E2F5: variants seen among roughly 807,000 people sequenced by gnomAD.
E2F5 encodes the protein E2F transcription factor 5, also known as transcription factor E2F5.
E2F5 carries 23 observed loss-of-function variants against 39.1 expected under a neutral mutation model. The observed-to-expected ratio is 0.59, with a 90% CI of 0.42 to 0.83. The LOEUF (loss-of-function observed/expected upper bound fraction) is 0.83. Ranked by LOEUF, E2F5 falls within the 40% of genes least tolerant of loss-of-function variation. The probability of loss-of-function intolerance (pLI) is 0.00; values close to 1 mark genes in which losing one functional copy is unlikely to be tolerated. For synonymous variants in E2F5, 145 were observed against 157.8 expected (o/e 0.92, Z 0.61); for missense variants, 365 against 406.7 (o/e 0.90, Z 0.88).
intron 3 of E2F5, among the ~76,000 whole-genome samples, chr8:85,203,869 A>G (rs1225002016): frequency 6.7e-6 from 1 of 148,356 alleles, no homozygotes; most frequent in Admixed American, 6.8e-5. Flanking sequence ...ATATAAAAAC[A>G]TTATTATATA....
rs867429190 is a variant in E2F5 at position 85,202,647 on chromosome 8, C to T, written c.344+391C>T. ...TGTCATTAATTGTGGCCTGGTTATA[C>T]GTTTGAATGTAACAATTTCTGTTCT... On this transcript the variant is annotated intron_variant, in intron 2 of 7. Transcript: ENST00000416274. Among the ~76,000 whole-genome samples, 7 of 152,140 alleles carry T rather than the reference C, an allele frequency of 4.6e-5. No homozygotes were observed. In the South Asian group the frequency reaches 6.2e-4, roughly 14 times the overall value.
intron 4 of E2F5, 145 bp from the exon 5 acceptor site, chr8:85,207,280 C>T: frequency 1.6e-6 from 1 of 606,312 alleles, no homozygotes. Flanking sequence ...TGTGTATCCC[C>T]CATTTTATAG....
Position 85,180,668 on chromosome 8 carries a change from C to T in E2F5, c.234+3014C>T, listed in dbSNP as rs1812192735. Among the ~76,000 whole-genome samples the T allele has an allele frequency of 3.4e-5, 5 of 145,976 alleles. No individual in the cohort carries two copies. The South Asian group carries it at 1.1e-3, about 33-fold the overall frequency. On this transcript the variant is annotated intron_variant, in intron 1 of 7. Transcript: ENST00000416274. ...TCTCGGCTCACTGCAAGCTCCGCCTCCCGGGTTCATGCCATTCTCCTGCCT... is the reference window on the plus strand; with the variant it reads ...TCTCGGCTCACTGCAAGCTCCGCCTTCCGGGTTCATGCCATTCTCCTGCCT...
At chr8:85,192,993 T>C (rs1289220938) in intron 1 of E2F5, among the ~76,000 whole-genome samples, 1 of 152,246 alleles carries the variant, frequency 6.6e-6, no homozygotes, top group Non-Finnish European at 1.5e-5. Flanking sequence ...ACTTAAACAG[T>C]ATCTGGCACA....
chr8:85,195,195 C>G (rs544622931), intron 1 of E2F5, among the ~76,000 whole-genome samples: 1 of 151,890 alleles, frequency 6.6e-6, no homozygotes, highest in South Asian at 2.1e-4. Flanking sequence ...CCAGCTTGCC[C>G]AACATAGTGA....
intron 1 of E2F5, among the ~76,000 whole-genome samples, chr8:85,197,163 G>A (rs935659277): frequency 2.6e-5 from 4 of 152,182 alleles, no homozygotes; most frequent in African/African-American, 4.8e-5. Context: ...ACTATTGAGT[G>A]CATATGTATT....
chr8:85,188,803 A>G (rs1812399648), intron 1 of E2F5, among the ~76,000 whole-genome samples: 1 of 152,190 alleles, frequency 6.6e-6, no homozygotes, highest in African/African-American at 2.4e-5. Context: ...CAATCCTAGC[A>G]TTGGAGCTAA....
chr8:85,190,482 AT>A (rs1812436082), intron 1 of E2F5, among the ~76,000 whole-genome samples: 1 of 133,958 alleles, frequency 7.5e-6, no homozygotes, highest in Non-Finnish European at 1.6e-5. Context: ...TGATTTTAAG[AT>A]GGGGAGATTT....
intron 1 of E2F5, among the ~76,000 whole-genome samples, chr8:85,182,396 A>G (rs1416907164): frequency 2.0e-5 from 3 of 152,250 alleles, no homozygotes; most frequent in African/African-American, 7.2e-5. Flanking sequence ...GTTGTACAGT[A>G]GAAAGTGAGA....
intron 4 of E2F5, 50 bp from the exon 5 acceptor site, chr8:85,207,375 T>A (rs373161622): frequency 1.4e-6 from 2 of 1,477,752 alleles, no homozygotes; most frequent in African/African-American, 2.8e-5. Flanking sequence ...GCCACTGTAT[T>A]CCATGATCAA....
chr8:85,194,906 CCAGA>C (rs1413091024), intron 1 of E2F5, among the ~76,000 whole-genome samples: 2 of 151,674 alleles, frequency 1.3e-5, no homozygotes, highest in Non-Finnish European at 2.9e-5. Context: ...CCCGGCTATG[CCAGA>C]CACTCTTCTA....
chr8:85,185,312 G>C (rs1465917768), intron 1 of E2F5, among the ~76,000 whole-genome samples: 1 of 152,128 alleles, frequency 6.6e-6, no homozygotes, highest in East Asian at 1.9e-4. Flanking sequence ...CTAGCCATAT[G>C]CAGAAAACTG....
intron 1 of E2F5, among the ~76,000 whole-genome samples, chr8:85,195,008 C>T (rs1360782272): frequency 1.3e-5 from 2 of 152,006 alleles, no homozygotes; most frequent in East Asian, 3.9e-4. Context: ...AAGTAGCTTG[C>T]CCAGGGCCAC....
rs539000684 is a variant in E2F5 at position 85,197,966 on chromosome 8, G to A, written c.235-4181G>A. Among the ~76,000 whole-genome samples, 28 of 152,264 alleles carry A rather than the reference G, an allele frequency of 1.8e-4. 1 individual carries two copies. The Middle Eastern group carries it at 0.017, about 93-fold the overall frequency. On this transcript the variant is annotated intron_variant, in intron 1 of 7. Coordinates refer to ENST00000416274, the MANE Select transcript of E2F5 (RefSeq NM_001951.4). ...CAGCGTTCCTTCCATGCTACCTATT[G>A]TCTTGCTTTTTTATATGAATATTTT...
chr8:85,207,359 A>G (rs1425142547), intron 4 of E2F5, 66 bp from the exon 5 acceptor site: 22 of 1,396,208 alleles, frequency 1.6e-5, no homozygotes, highest in Admixed American at 1.1e-4. Flanking sequence ...CAGAGCCCAC[A>G]TTCTTGCCAC....
chr8:85,199,812 C>T (rs1450852430), intron 1 of E2F5, among the ~76,000 whole-genome samples: 1 of 152,208 alleles, frequency 6.6e-6, no homozygotes, highest in Non-Finnish European at 1.5e-5. Flanking sequence ...TTAATTCCCA[C>T]AATACTCCTT....
rs770475906 is a variant in E2F5 at position 85,209,225 on chromosome 8, G to A, written c.699G>A (p.Ser233=). ...PIHVLLINKE[S]SSSKPVVFPV... ...ATGTGCTGCTTATAAATAAAGAGTC[G>A]AGTTCATCTAAGCCCGTGGTTTTTC... Residue 233 remains serine, a synonymous_variant, in exon 6 of 8, where the codon TCG becomes TCA. Coordinates refer to ENST00000416274, the MANE Select transcript of E2F5 (RefSeq NM_001951.4). 8.7e-6 allele frequency: 14 copies of A among 1,613,922 alleles called. No individual in the cohort carries two copies. The highest frequency in any genetic ancestry group is 2.2e-5 in the East Asian group (1 of 44,872).
chr8:85,182,290 T>C (rs746236401), intron 1 of E2F5, among the ~76,000 whole-genome samples: 47 of 152,252 alleles, frequency 3.1e-4, no homozygotes, highest in Non-Finnish European at 2.4e-4. Flanking sequence ...TGTTATCCTC[T>C]TAACAACAGT....
intron 1 of E2F5, among the ~76,000 whole-genome samples, chr8:85,185,775 T>G (rs1002332190): frequency 3.9e-5 from 6 of 152,204 alleles, no homozygotes; most frequent in African/African-American, 1.4e-4. Flanking sequence ...TCGTCACTGG[T>G]CATTGGAAAA....
Sources: gnomAD v4.1 joint callset for allele counts (sites outside exome capture counted in the v4.1 genomes callset) on GRCh38, gnomAD v4.1.1 for gene constraint, MANE v1.5 for transcripts, NCBI Gene and HGNC (gene_info 2026-07-23, HGNC 2026-07-21) for gene names.